PTPRN2: variants seen among roughly 807,000 people sequenced by gnomAD.
PTPRN2 encodes the protein receptor-type tyrosine-protein phosphatase N2.
In PTPRN2, 74 loss-of-function variants were observed where a neutral mutation model predicts 118.8. That is an observed-to-expected ratio of 0.62 (90% confidence interval 0.52 to 0.76). PTPRN2 has a LOEUF of 0.76. PTPRN2 is among the 30% of genes least tolerant of loss of function. The pLI is 0.00. For missense variants in PTPRN2, 1,481 were observed against 1,394.4 expected, an observed-to-expected ratio of 1.06 and a Z score of -0.99; for synonymous variants, 641 against 608.0, an observed-to-expected ratio of 1.05 and a Z score of -0.80.
At chr7:157,988,423 G>A (rs1003409809) in intron 11 of PTPRN2, among the ~76,000 whole-genome samples, 4 of 152,208 alleles carry the variant, frequency 2.6e-5, no homozygotes, top group Admixed American at 2.6e-4. Context: ...CCAGAGCAGA[G>A]GACAGTGTCC....
At chr7:157,701,471 G>A (rs1438792431) in intron 12 of PTPRN2, among the ~76,000 whole-genome samples, 1 of 152,198 alleles carries the variant, frequency 6.6e-6, no homozygotes, top group Admixed American at 6.5e-5. Context: ...CATAGAATGT[G>A]GTCACAGGCA....
intron 11 of PTPRN2, 28 bp from the exon 12 acceptor site, chr7:157,898,765 A>T (rs767415081): frequency 3.8e-6 from 6 of 1,566,182 alleles, no homozygotes; most frequent in Non-Finnish European, 5.3e-6. Context: ...AAAGCACAAG[A>T]GTCAGGTTGG....
At chr7:158,312,936 A>C (rs144770071) in intron 3 of PTPRN2, among the ~76,000 whole-genome samples, 1 of 149,482 alleles carries the variant, frequency 6.7e-6, no homozygotes, top group African/African-American at 2.5e-5. Flanking sequence ...CAGCATGTCA[A>C]TGAGTGTGCA....
intron 12 of PTPRN2, among the ~76,000 whole-genome samples, chr7:157,697,398 A>G (rs1326125070): frequency 1.0e-4 from 12 of 119,544 alleles, no homozygotes; most frequent in South Asian, 3.3e-4. Context: ...AGCCCTCACC[A>G]TCTACCCATG....
At chr7:157,720,599 A>C (rs1799178748) in intron 12 of PTPRN2, among the ~76,000 whole-genome samples, 2 of 152,226 alleles carry the variant, frequency 1.3e-5, no homozygotes, top group South Asian at 2.1e-4. Context: ...GCGGGGACCG[A>C]GGGAGTCACG....
chr7:157,944,988 C>T lies in PTPRN2; in HGVS notation c.1724-46251G>A, dbSNP rs1035972800. ...TGTGCAGCTCCCAGTGCTGTGACCCCACCATGATCGCTCATCTGCTCCAGC... is the reference window on the plus strand; with the variant it reads ...TGTGCAGCTCCCAGTGCTGTGACCCTACCATGATCGCTCATCTGCTCCAGC... On this transcript the variant is annotated intron_variant, in intron 11 of 22. Transcript: ENST00000389418. This position sits in a 1 kb window ranked among gnomAD's most constrained non-coding sequence, Gnocchi z 4.3. Among the ~76,000 whole-genome samples the T allele has an allele frequency of 6.6e-6, 1 of 152,216 alleles. No homozygotes were observed.
intron 12 of PTPRN2, among the ~76,000 whole-genome samples, chr7:157,838,619 A>C (rs1808155099): frequency 1.0e-5 from 1 of 98,066 alleles, no homozygotes; most frequent in South Asian, 4.8e-4. Context: ...TGGCTACTCC[A>C]GTTCCTCTCG....
intron 4 of PTPRN2, among the ~76,000 whole-genome samples, chr7:158,197,057 TCTC>T (rs1007428895): frequency 2.6e-5 from 4 of 152,156 alleles, no homozygotes; most frequent in Admixed American, 6.5e-5. Context: ...TGCATGTGTA[TCTC>T]CTTTCACAGA....
chr7:157,548,284 A>G (rs918281234), intron 22 of PTPRN2, among the ~76,000 whole-genome samples: 2 of 152,136 alleles, frequency 1.3e-5, no homozygotes, highest in African/African-American at 4.8e-5. Flanking sequence ...GTGTCCCAAG[A>G]CTTACAAAGA....
chr7:158,138,238 A>G, intron 7 of PTPRN2, 56 bp downstream of exon 7: 1 of 1,529,528 alleles, frequency 6.5e-7, no homozygotes, highest in Non-Finnish European at 8.9e-7. Flanking sequence ...CACAGCCCTG[A>G]GGCCTCCCCT....
intron 12 of PTPRN2, among the ~76,000 whole-genome samples, chr7:157,890,098 G>C (rs2151304152): frequency 6.7e-6 from 1 of 150,092 alleles, no homozygotes; most frequent in Middle Eastern, 3.4e-3. Context: ...TGAAGGTTTT[G>C]TTTTTCTGAT....
At chr7:158,318,150 G>A (rs922587352) in intron 2 of PTPRN2, among the ~76,000 whole-genome samples, 3 of 152,104 alleles carry the variant, frequency 2.0e-5, no homozygotes, top group East Asian at 3.9e-4. Flanking sequence ...AGAGCCCGGC[G>A]CCCCCCACCG....
At position 157,986,719 on chromosome 7, in the gene PTPRN2, G is replaced by C. The variant is rs902276245; in HGVS notation, c.1724-87982C>G. ...ATAATGAAGGCTTCACTCTTCCACG[G>C]GGTTCTGCCCTTGGAAGAACTAATG... On this transcript the variant is annotated intron_variant, in intron 11 of 22. Coordinates refer to ENST00000389418, the MANE Select transcript of PTPRN2 (RefSeq NM_002847.5). This position sits in a 1 kb window ranked among gnomAD's most constrained non-coding sequence, Gnocchi z 4.5. 6.6e-6 allele frequency among the ~76,000 whole-genome samples: 1 copy of C among 152,096 alleles called. No individual in the cohort carries two copies. The highest frequency in any genetic ancestry group is 2.1e-4 in the South Asian group (1 of 4,816).
intron 11 of PTPRN2, among the ~76,000 whole-genome samples, chr7:158,047,535 G>A (rs1808972874): frequency 6.6e-6 from 1 of 151,702 alleles, no homozygotes; most frequent in African/African-American, 2.4e-5. Flanking sequence ...GTCACTGAGG[G>A]TGCGAGGGCT....
intron 10 of PTPRN2, among the ~76,000 whole-genome samples, chr7:158,085,071 T>A (rs1813198134): frequency 1.1e-5 from 1 of 87,282 alleles, no homozygotes; most frequent in Non-Finnish European, 2.1e-5. Flanking sequence ...ATGACGCCCA[T>A]CCACACAGAT....
intron 2 of PTPRN2, among the ~76,000 whole-genome samples, chr7:158,342,387 T>G (rs62493647): frequency 2.4e-5 from 1 of 41,670 alleles, no homozygotes; most frequent in Admixed American, 2.4e-4. Flanking sequence ...AGAGCTGACA[T>G]CTGCAGACGT....
chr7:157,840,528 T>C lies in PTPRN2; in HGVS notation c.1788+58145A>G, dbSNP rs543201663. On this transcript the variant is annotated intron_variant, in intron 12 of 22. Coordinates refer to ENST00000389418, the MANE Select transcript of PTPRN2 (RefSeq NM_002847.5). Reference sequence around the variant, plus strand: ...TGGAGTGTGTGTGACTGTGTAACCATGTCCAGGCAGGGTGTGGGAGTGGAG... The same window carrying C: ...TGGAGTGTGTGTGACTGTGTAACCACGTCCAGGCAGGGTGTGGGAGTGGAG... 2.0e-3 allele frequency among the ~76,000 whole-genome samples: 304 copies of C among 152,298 alleles called. 1 individual carries two copies. The highest frequency in any genetic ancestry group is 6.7e-3 in the African/African-American group (278 of 41,566).
At chr7:157,664,738 G>C (rs1458791399) in intron 13 of PTPRN2, among the ~76,000 whole-genome samples, 1 of 152,202 alleles carries the variant, frequency 6.6e-6, no homozygotes, top group African/African-American at 2.4e-5. Flanking sequence ...CAACCCTGGT[G>C]ACAGAGCAAG....
At chr7:158,550,441 C>G (rs945759061) in intron 1 of PTPRN2, among the ~76,000 whole-genome samples, 1 of 152,252 alleles carries the variant, frequency 6.6e-6, no homozygotes, top group Non-Finnish European at 1.5e-5. Context: ...CTTTAACACC[C>G]AGTTCAGGTG....
Sources: allele counts gnomAD v4.1 joint callset (sites outside exome capture counted in the v4.1 genomes callset), GRCh38; gene constraint gnomAD v4.1.1; non-coding constraint Gnocchi (gnomAD v3.1); transcripts MANE v1.5; gene names NCBI Gene and HGNC (gene_info 2026-07-23, HGNC 2026-07-21).